Variants in KCNN3 observed in about 807,000 individuals in gnomAD.
KCNN3 encodes the protein small conductance calcium-activated potassium channel protein 3.
A neutral mutation model predicts 62.9 loss-of-function variants in KCNN3; 16 were observed. The ratio of observed to expected loss-of-function variants is 0.25; its 90% confidence interval spans 0.17 to 0.39. The LOEUF (loss-of-function observed/expected upper bound fraction) is 0.39, where lower values mean the gene tolerates loss of function less well. Ranked by LOEUF, KCNN3 falls within the 10% of genes least tolerant of loss-of-function variation. KCNN3 has a pLI of 1.00. For synonymous variants in KCNN3, 370 were observed against 389.2 expected (o/e 0.95, Z 0.58); for missense variants, 599 against 949.4 (o/e 0.63, Z 4.85).
Position 154,721,564 on chromosome 1 carries a change from G to A in KCNN3, c.1701+4352C>T, listed in dbSNP as rs1191386711. 3.3e-5 allele frequency among the ~76,000 whole-genome samples: 5 copies of A among 152,220 alleles called. No individual in the cohort carries two copies. The South Asian group carries it at 1.0e-3, about 32-fold the overall frequency. ...GATCCGCCCACGTCGGCCTCGCAAAGTGCTGGGATTACAGGCGTGAGCCAC... is the reference window on the plus strand; with the variant it reads ...GATCCGCCCACGTCGGCCTCGCAAAATGCTGGGATTACAGGCGTGAGCCAC... On this transcript the variant is annotated intron_variant, in intron 5 of 7. Transcript: ENST00000271915.
At chr1:154,837,182 T>C (rs1328185450) in intron 1 of KCNN3, among the ~76,000 whole-genome samples, 1 of 152,036 alleles carries the variant, frequency 6.6e-6, no homozygotes, top group Non-Finnish European at 1.5e-5. Flanking sequence ...CACTGCAATC[T>C]CTGCCTCCCA....
rs1020265385 is a variant in KCNN3 at position 154,774,989 on chromosome 1, G to A, written c.1030-2596C>T. Among the ~76,000 whole-genome samples the A allele has an allele frequency of 6.6e-5, 10 of 152,386 alleles. No individual in the cohort carries two copies. The East Asian group carries it at 9.6e-4, about 15-fold the overall frequency. On this transcript the variant is annotated intron_variant, in intron 2 of 7. Transcript: ENST00000271915. ...GAAATACACCCTCAGCACAGAAAGC[G>A]TAACAGAGAGACTGGATCAGCGTGG... is the stretch of plus-strand genomic sequence containing the variant.
At chr1:154,784,844 A>C (rs1284370748) in intron 2 of KCNN3, among the ~76,000 whole-genome samples, 4 of 152,230 alleles carry the variant, frequency 2.6e-5, no homozygotes, top group Non-Finnish European at 5.9e-5. Flanking sequence ...TTTTACAGAC[A>C]GGGAAACTGA....
intron 2 of KCNN3, among the ~76,000 whole-genome samples, chr1:154,807,298 G>C (rs558066950): frequency 6.6e-6 from 1 of 152,298 alleles, no homozygotes; most frequent in East Asian, 1.9e-4. Context: ...GACAACTCGA[G>C]CCCGTAACCC....
At chr1:154,841,512 G>C (rs34106427) in intron 1 of KCNN3, among the ~76,000 whole-genome samples, 1 of 152,052 alleles carries the variant, frequency 6.6e-6, no homozygotes, top group African/African-American at 2.4e-5. Context: ...CACTGAGCAA[G>C]GCACTGTTCG....
chr1:154,731,436 T>C (rs988316306), intron 4 of KCNN3, among the ~76,000 whole-genome samples: 2 of 152,196 alleles, frequency 1.3e-5, no homozygotes, highest in Non-Finnish European at 2.9e-5. Flanking sequence ...GGAGAGAGCC[T>C]GGCCCCTCCT....
intron 2 of KCNN3, among the ~76,000 whole-genome samples, chr1:154,794,330 C>T (rs1237459633): frequency 6.6e-6 from 1 of 152,140 alleles, no homozygotes; most frequent in East Asian, 1.9e-4. Flanking sequence ...CCAGAGCTTG[C>T]CCTTAAACAT....
rs1571260478 is a variant in KCNN3, at chr1:154,772,539, T to C, written c.1030-146A>G. 4 of 756,318 alleles carry C rather than the reference T, an allele frequency of 5.3e-6. No individual in the cohort carries two copies. In the East Asian group the frequency reaches 1.1e-4, roughly 20 times the overall value. The allele number at this position is 756,318 out of a possible 1,614,324, so 46.9% of individuals were successfully genotyped here. On this transcript the variant is annotated intron_variant, in intron 2 of 7. Transcript: ENST00000271915. The surrounding 1 kb of genome is among the most constrained non-coding windows in gnomAD (Gnocchi z 5.6). ...AGCATGCTCTTTAGGGGCCTTGCTATGTGGCAAGAGCCCTGTATGTGGAGT... is the reference window on the plus strand; with the variant it reads ...AGCATGCTCTTTAGGGGCCTTGCTACGTGGCAAGAGCCCTGTATGTGGAGT...
chr1:154,733,153 G>C lies in KCNN3; in HGVS notation c.1449-9C>G. On this transcript the variant is annotated splice_polypyrimidine_tract_variant and intron_variant, in intron 3 of 7. Transcript: ENST00000271915. ...CCTGCTGGTCATGGTACCTGCCAATGGGAAGACAGGAGTTAGTCGATGAAC... is the reference window on the plus strand; with the variant it reads ...CCTGCTGGTCATGGTACCTGCCAATCGGAAGACAGGAGTTAGTCGATGAAC... 6.2e-7 allele frequency: 1 copy of C among 1,614,128 alleles called. No homozygotes were observed. The highest frequency in any genetic ancestry group is 1.1e-5 in the South Asian group (1 of 91,082).
intron 3 of KCNN3, among the ~76,000 whole-genome samples, chr1:154,738,998 G>A (rs1700771480): frequency 6.6e-6 from 1 of 152,194 alleles, no homozygotes; most frequent in South Asian, 2.1e-4. Context: ...AGGAAAGGGA[G>A]CTAAATTTTC....
intron 1 of KCNN3, among the ~76,000 whole-genome samples, chr1:154,829,649 G>T (rs1267203628): frequency 6.6e-6 from 1 of 152,174 alleles, no homozygotes; most frequent in Non-Finnish European, 1.5e-5. Flanking sequence ...AGGATGCGGG[G>T]TCTGACCTAG....
chr1:154,859,826 T>C, intron 1 of KCNN3: 1 of 1,611,170 alleles, frequency 6.2e-7, no homozygotes, highest in Non-Finnish European at 8.5e-7. Context: ...AGGAGTGTCC[T>C]TTAAGCTGAC....
At chr1:154,758,877 G>T (rs1235802912) in intron 3 of KCNN3, among the ~76,000 whole-genome samples, 3 of 151,396 alleles carry the variant, frequency 2.0e-5, no homozygotes. Flanking sequence ...GTGTGATCTC[G>T]GCTCACTGCA....
At chr1:154,711,636 T>C (rs2101759156) in intron 7 of KCNN3, among the ~76,000 whole-genome samples, 1 of 152,276 alleles carries the variant, frequency 6.6e-6, no homozygotes, top group South Asian at 2.1e-4. Context: ...GGCAGTTTGT[T>C]GGGCTATTCC....
chr1:154,720,330 T>C (rs75015058), intron 5 of KCNN3, among the ~76,000 whole-genome samples: 1 of 152,382 alleles, frequency 6.6e-6, no homozygotes, highest in East Asian at 1.9e-4. Context: ...GGACAGAACC[T>C]TGTGCGTGAT....
At chr1:154,863,177 C>G (rs576646673) in intron 1 of KCNN3, among the ~76,000 whole-genome samples, 2 of 152,284 alleles carry the variant, frequency 1.3e-5, no homozygotes, top group South Asian at 4.1e-4. Flanking sequence ...GCTGCTCCTC[C>G]CCTCCTTTCC....
At chr1:154,819,691 G>A (rs947319132) in intron 2 of KCNN3, among the ~76,000 whole-genome samples, 1 of 152,190 alleles carries the variant, frequency 6.6e-6, no homozygotes, top group African/African-American at 2.4e-5. Flanking sequence ...AAGTGACGGA[G>A]GCTGCAGGGA....
At chr1:154,789,529 T>C in intron 2 of KCNN3, among the ~76,000 whole-genome samples, 1 of 152,188 alleles carries the variant, frequency 6.6e-6, no homozygotes. Context: ...GTTGTCATTA[T>C]TTCTATTTTA....
chr1:154,769,035 T>C (rs542842148), intron 3 of KCNN3, among the ~76,000 whole-genome samples: 2 of 152,208 alleles, frequency 1.3e-5, no homozygotes, highest in Non-Finnish European at 2.9e-5. Flanking sequence ...CCACGCTTAT[T>C]ATTAATAGCT....
Sources: gnomAD v4.1 joint callset for allele counts (sites outside exome capture counted in the v4.1 genomes callset) on GRCh38, gnomAD v4.1.1 for gene constraint, Gnocchi (gnomAD v3.1) non-coding constraint, MANE v1.5 for transcripts, NCBI Gene and HGNC (gene_info 2026-07-23, HGNC 2026-07-21) for gene names.